Variants in SBF2 observed in about 807,000 individuals in gnomAD.
The protein encoded by SBF2 is SET binding factor 2.
A neutral mutation model predicts 225.2 loss-of-function variants in SBF2; 112 were observed. That is an observed-to-expected ratio of 0.50 (90% confidence interval 0.43 to 0.58). The LOEUF (loss-of-function observed/expected upper bound fraction) is 0.58, where lower values mean the gene tolerates loss of function less well. SBF2 is among the 20% of genes least tolerant of loss of function. The probability of loss-of-function intolerance (pLI) is 0.00; values close to 1 mark genes in which losing one functional copy is unlikely to be tolerated. For missense variants in SBF2, 1,996 were observed against 2,206.2 expected, an observed-to-expected ratio of 0.90 and a Z score of 1.91; for synonymous variants, 763 against 773.3, an observed-to-expected ratio of 0.99 and a Z score of 0.22.
At chr11:9,918,421 T>C (rs117749595) in intron 16 of SBF2, among the ~76,000 whole-genome samples, 10,954 of 151,490 alleles carry the variant, frequency 0.072, 466 homozygotes, top group East Asian at 0.1. Flanking sequence ...GGCACAATCA[T>C]GGCTCACTGC....
chr11:10,229,973 C>T (rs553606886), intron 1 of SBF2, among the ~76,000 whole-genome samples: 3 of 152,076 alleles, frequency 2.0e-5, no homozygotes, highest in Non-Finnish European at 4.4e-5. Context: ...TCACTAAGGA[C>T]TTGCTTTATG....
At chr11:10,151,808 A>G (rs1396255792) in intron 2 of SBF2, among the ~76,000 whole-genome samples, 2 of 152,192 alleles carry the variant, frequency 1.3e-5, no homozygotes, top group African/African-American at 4.8e-5. Flanking sequence ...TTTATATTTA[A>G]ATAGGTCTAT....
chr11:10,272,906 C>T (rs893029427), intron 1 of SBF2, among the ~76,000 whole-genome samples: 3 of 151,940 alleles, frequency 2.0e-5, no homozygotes, highest in Non-Finnish European at 2.9e-5. Flanking sequence ...CTCATCTCTA[C>T]TAATAATACA....
intron 28 of SBF2, among the ~76,000 whole-genome samples, chr11:9,821,671 T>C (rs1345904742): frequency 6.6e-6 from 1 of 152,198 alleles, no homozygotes; most frequent in Non-Finnish European, 1.5e-5. Context: ...ATCACTCTAA[T>C]AGGTCAAATC....
chr11:10,047,450 C>T (rs544130636), intron 2 of SBF2, among the ~76,000 whole-genome samples: 12 of 152,012 alleles, frequency 7.9e-5, no homozygotes, highest in Admixed American at 3.9e-4. Flanking sequence ...ATAGAGAGCC[C>T]GAAGTAGACT....
At chr11:9,930,836 C>T (rs1368399954) in intron 16 of SBF2, among the ~76,000 whole-genome samples, 1 of 152,234 alleles carries the variant, frequency 6.6e-6, no homozygotes, top group East Asian at 1.9e-4. Flanking sequence ...GGGGATTTCC[C>T]TTTCCCAGCA....
intron 1 of SBF2, among the ~76,000 whole-genome samples, chr11:10,215,780 T>C (rs1958106113): frequency 6.6e-6 from 1 of 152,254 alleles, no homozygotes; most frequent in Non-Finnish European, 1.5e-5. Flanking sequence ...TCAAATCATT[T>C]TCCCCAAAGT....
At chr11:9,840,601 G>A (rs1008300158) in intron 25 of SBF2, among the ~76,000 whole-genome samples, 2 of 152,144 alleles carry the variant, frequency 1.3e-5, no homozygotes, top group Non-Finnish European at 2.9e-5. Flanking sequence ...TTTGTCAGAG[G>A]CTAACCCATC....
intron 29 of SBF2, among the ~76,000 whole-genome samples, chr11:9,814,268 A>T (rs1340314326): frequency 1.3e-5 from 2 of 152,212 alleles, no homozygotes; most frequent in Non-Finnish European, 2.9e-5. Flanking sequence ...CATTGTGCCC[A>T]AATTACTCTA....
chr11:10,072,573 T>C (rs1950926389), intron 2 of SBF2, among the ~76,000 whole-genome samples: 1 of 152,178 alleles, frequency 6.6e-6, no homozygotes. Flanking sequence ...TGAGTTCCAT[T>C]TCAATTCCTT....
chr11:10,180,595 C>T (rs1248488313), intron 2 of SBF2, among the ~76,000 whole-genome samples: 2 of 152,036 alleles, frequency 1.3e-5, no homozygotes, highest in African/African-American at 4.8e-5. Flanking sequence ...CCTTCTTGTA[C>T]TTCAATATTA....
chr11:10,098,617 A>G (rs1351477927), intron 2 of SBF2, among the ~76,000 whole-genome samples: 1 of 151,908 alleles, frequency 6.6e-6, no homozygotes, highest in Non-Finnish European at 1.5e-5. Context: ...GAGGTCACAG[A>G]CAACTCGATG....
chr11:10,200,514 T>C (rs982879617), intron 1 of SBF2, among the ~76,000 whole-genome samples: 12 of 152,232 alleles, frequency 7.9e-5, no homozygotes, highest in Non-Finnish European at 1.6e-4. Context: ...GGAGTTACTT[T>C]TGAATGAAAC....
At chr11:10,048,698 A>G (rs1730234209) in intron 2 of SBF2, among the ~76,000 whole-genome samples, 1 of 152,238 alleles carries the variant, frequency 6.6e-6, no homozygotes, top group Admixed American at 6.5e-5. Flanking sequence ...GTAATATTTT[A>G]AGACTTCTAT....
At chr11:9,935,244 C>G (rs960736295) in intron 16 of SBF2, among the ~76,000 whole-genome samples, 1 of 152,070 alleles carries the variant, frequency 6.6e-6, no homozygotes. Flanking sequence ...ATCCAACTTA[C>G]AAGGGATGTG....
At chr11:10,279,105 T>TA (rs1459983511) in intron 1 of SBF2, among the ~76,000 whole-genome samples, 4,039 of 77,288 alleles carry the variant, frequency 0.052, 168 homozygotes, top group Middle Eastern at 0.12. Context: ...CGGTCTTGTA[T>TA]TAAAAAAAAA....
intron 16 of SBF2, among the ~76,000 whole-genome samples, chr11:9,953,445 C>G (rs139063985): frequency 1.3e-5 from 2 of 149,308 alleles, no homozygotes; most frequent in African/African-American, 2.5e-5. Flanking sequence ...TCAAAAAAAA[C>G]GAAAAAGAAA....
At chr11:9,979,265 G>A (rs980769753) in intron 13 of SBF2, among the ~76,000 whole-genome samples, 2 of 152,136 alleles carry the variant, frequency 1.3e-5, no homozygotes, top group Non-Finnish European at 2.9e-5. Context: ...TTCCATGCCT[G>A]GCACAATATA....
chr11:10,192,717 C>T (rs773445795), intron 2 of SBF2, among the ~76,000 whole-genome samples: 2 of 152,188 alleles, frequency 1.3e-5, no homozygotes, highest in Non-Finnish European at 1.5e-5. Flanking sequence ...AGTCATACCA[C>T]GCAGCTGAGA....
Sources: allele counts gnomAD v4.1 joint callset (sites outside exome capture counted in the v4.1 genomes callset), GRCh38; gene constraint gnomAD v4.1.1; transcripts MANE v1.5; gene names NCBI Gene and HGNC (gene_info 2026-07-23, HGNC 2026-07-21).